The following ASIC2 variants were observed in gnomAD, a reference collection of about 807,000 sequenced individuals.
ASIC2 encodes the protein acid sensing ion channel subunit 2.
In ASIC2, 25 loss-of-function variants were observed where a neutral mutation model predicts 57.3. The ratio of observed to expected loss-of-function variants is 0.44; its 90% CI spans 0.32 to 0.61. ASIC2 has a LOEUF of 0.61. Ranked by LOEUF, ASIC2 falls within the 20% of genes least tolerant of loss-of-function variation. The pLI is 0.06. For missense variants in ASIC2, 641 were observed against 738.1 expected (o/e 0.87, Z 1.52); for synonymous variants, 319 against 307.5 (o/e 1.04, Z -0.39).
chr17:34,004,233 T>G (rs1906449091), intron 1 of ASIC2: 1 of 152,208 alleles, frequency 6.6e-6, no homozygotes, highest in Non-Finnish European at 1.5e-5. Context: ...GTAAGTCTGT[T>G]TTAGTCATTT....
chr17:34,052,483 G>A (rs1475957460), intron 1 of ASIC2, among the ~76,000 whole-genome samples: 1 of 152,154 alleles, frequency 6.6e-6, no homozygotes, highest in Non-Finnish European at 1.5e-5. Flanking sequence ...TTGGACTGTA[G>A]AACATGTGAC....
chr17:33,602,915 A>G (rs1292536137), intron 1 of ASIC2, among the ~76,000 whole-genome samples: 1 of 152,234 alleles, frequency 6.6e-6, no homozygotes, highest in Non-Finnish European at 1.5e-5. Flanking sequence ...TTTATCCTCC[A>G]GAGCCCACTC....
chr17:33,018,396 A>G (rs1286052102), intron 7 of ASIC2, among the ~76,000 whole-genome samples: 3 of 152,196 alleles, frequency 2.0e-5, no homozygotes, highest in African/African-American at 7.2e-5. Context: ...GGGATTTTTA[A>G]GTTCCCGCTG....
At chr17:33,260,701 T>C (rs1909248169) in intron 1 of ASIC2, among the ~76,000 whole-genome samples, 1 of 152,120 alleles carries the variant, frequency 6.6e-6, no homozygotes, top group African/African-American at 2.4e-5. Flanking sequence ...GCCGTGATAG[T>C]CACCTCTCTC....
intron 1 of ASIC2, among the ~76,000 whole-genome samples, chr17:33,403,187 G>A (rs562435774): frequency 2.0e-5 from 3 of 152,276 alleles, no homozygotes; most frequent in East Asian, 3.9e-4. Flanking sequence ...CTCGGGCAGA[G>A]CCTGTGAGAG....
chr17:33,353,412 C>A, intron 1 of ASIC2, among the ~76,000 whole-genome samples: 1 of 152,184 alleles, frequency 6.6e-6, no homozygotes, highest in East Asian at 1.9e-4. Flanking sequence ...TCACTGCTCA[C>A]TGCACCCTTG....
At chr17:33,073,743 A>G (rs910799694) in intron 3 of ASIC2, among the ~76,000 whole-genome samples, 4 of 152,226 alleles carry the variant, frequency 2.6e-5, no homozygotes, top group Non-Finnish European at 5.9e-5. Context: ...AAATGGAGAA[A>G]ACAATATCAA....
chr17:33,905,165 T>TTTTTTTTTTTTTTTTC (rs147028517), intron 1 of ASIC2, among the ~76,000 whole-genome samples: 1 of 108,426 alleles, frequency 9.2e-6, no homozygotes. Context: ...TTTTTTTTTT[T>TTTTTTTTTTTTTTTTC]CCACTTAGCG....
intron 1 of ASIC2, among the ~76,000 whole-genome samples, chr17:33,323,996 A>G (rs1906969880): frequency 6.6e-6 from 1 of 151,728 alleles, no homozygotes; most frequent in Non-Finnish European, 1.5e-5. Context: ...TTACATATAT[A>G]TTATACAGCA....
chr17:33,633,083 G>A, intron 1 of ASIC2, among the ~76,000 whole-genome samples: 1 of 152,284 alleles, frequency 6.6e-6, no homozygotes, highest in East Asian at 1.9e-4. Context: ...CTGAGTGAAG[G>A]CAACATGATT....
chr17:34,114,959 T>C (rs546933309), intron 1 of ASIC2, among the ~76,000 whole-genome samples: 21 of 152,298 alleles, frequency 1.4e-4, no homozygotes, highest in Middle Eastern at 3.4e-3. Context: ...CCGTGATTAT[T>C]GTCTTGTAGA....
intron 1 of ASIC2, among the ~76,000 whole-genome samples, chr17:33,374,718 C>G (rs1385123882): frequency 6.6e-6 from 1 of 152,192 alleles, no homozygotes; most frequent in Non-Finnish European, 1.5e-5. Flanking sequence ...GGTTATGCAG[C>G]CCAGACCAGG....
At position 33,944,432 on chromosome 17, in the gene ASIC2, T is replaced by C. The variant is rs76208822; in HGVS notation, c.555+211546A>G. Among the ~76,000 whole-genome samples, 544 of 152,218 alleles carry C rather than the reference T, an allele frequency of 3.6e-3. 2 individuals carry two copies. Among genetic ancestry groups the C allele is most frequent in the African/African-American group, 0.012 (510 of 41,540 alleles). On this transcript the variant is annotated intron_variant, in intron 1 of 9. Transcript: ENST00000359872. ...CATTAGGAATGCACCAAAGCATCCA[T>C]GGTGGTTCAGAGAGGAGACTGGTGC...
chr17:33,196,651 T>A, intron 1 of ASIC2, among the ~76,000 whole-genome samples: 1 of 152,196 alleles, frequency 6.6e-6, no homozygotes. Flanking sequence ...GGAAACACTG[T>A]TGGTGGTGGC....
In ASIC2 at chr17:33,747,222, C is replaced by CTTT. The variant is rs61564362; in HGVS notation, c.555+408753_555+408755dup. On this transcript the variant is annotated intron_variant, in intron 1 of 9. Transcript: ENST00000359872. ...CAAAACCTTGCTCCCATCCAGCCGT[C>CTTT]TTTTTTTTTTTTTTTTTTTTTGAGA... Among the ~76,000 whole-genome samples, 111 of 116,770 alleles carry CTTT rather than the reference C, an allele frequency of 9.5e-4. 1 individual carries two copies. The highest frequency in any genetic ancestry group is 2.9e-3 in the African/African-American group (84 of 29,072). The allele number at this position is 116,770 out of a possible 152,430, so 76.6% of individuals were successfully genotyped here.
intron 1 of ASIC2, among the ~76,000 whole-genome samples, chr17:33,667,955 C>A (rs767898003): frequency 1.3e-5 from 2 of 152,204 alleles, no homozygotes; most frequent in Non-Finnish European, 2.9e-5. Context: ...TCCAGGCCTG[C>A]TCAAAACAAG....
intron 1 of ASIC2, among the ~76,000 whole-genome samples, chr17:33,463,037 G>C (rs572713672): frequency 6.6e-6 from 1 of 152,166 alleles, no homozygotes; most frequent in Non-Finnish European, 1.5e-5. Context: ...CCAATTCAAA[G>C]ATACATTCCT....
intron 1 of ASIC2, among the ~76,000 whole-genome samples, chr17:34,133,336 G>C (rs1217198793): frequency 6.6e-6 from 1 of 152,162 alleles, no homozygotes; most frequent in Non-Finnish European, 1.5e-5. Flanking sequence ...CAGAGCCATG[G>C]CAATGCTCGG....
In ASIC2 at chr17:33,466,712, C is replaced by T. The variant is rs150619660; in HGVS notation, c.556-354645G>A. ...CGCCACACATCTACAATGATCTGAT[C>T]TTTGACAAACCTGACAAGAATAAGA... On this transcript the variant is annotated intron_variant, in intron 1 of 9. Coordinates refer to the ASIC2 transcript ENST00000359872. Among the ~76,000 whole-genome samples, 49 of 152,262 alleles carry T rather than the reference C, an allele frequency of 3.2e-4. 1 individual carries two copies. The East Asian group carries it at 8.1e-3, about 25-fold the overall frequency.
Sources: gnomAD v4.1 joint callset for allele counts (sites outside exome capture counted in the v4.1 genomes callset) on GRCh38, gnomAD v4.1.1 for gene constraint, MANE v1.5 for transcripts, NCBI Gene and HGNC (gene_info 2026-07-23, HGNC 2026-07-21) for gene names.